CSE1L: variants seen among roughly 807,000 people sequenced by gnomAD.
CSE1L encodes the protein exportin-2.
In CSE1L, 24 loss-of-function variants were observed where a neutral mutation model predicts 120.4. That is an observed-to-expected ratio of 0.20 (90% CI 0.14 to 0.28). CSE1L has a LOEUF of 0.28. Ranked by LOEUF, CSE1L falls within the 10% of genes least tolerant of loss-of-function variation. CSE1L has a pLI of 1.00. For synonymous variants in CSE1L, 402 were observed against 398.3 expected, an observed-to-expected ratio of 1.01 and a Z score of -0.11; for missense variants, 830 against 1,145.2, an observed-to-expected ratio of 0.72 and a Z score of 3.97.
At chr20:49,052,176 G>C (rs1042752861) in intron 1 of CSE1L, among the ~76,000 whole-genome samples, 1 of 152,162 alleles carries the variant, frequency 6.6e-6, no homozygotes, top group Non-Finnish European at 1.5e-5. Context: ...CTCATGTTTT[G>C]CTGGGTGACT....
chr20:49,073,765 C>A (rs911091408), intron 10 of CSE1L, among the ~76,000 whole-genome samples: 9 of 152,132 alleles, frequency 5.9e-5, no homozygotes, highest in African/African-American at 1.9e-4. Flanking sequence ...GGATTACAGG[C>A]ATGAGCCACC....
In CSE1L at chr20:49,094,893, A is replaced by C. The variant is rs377701705; in HGVS notation, c.2756A>C (p.Gln919Pro). ...AGKKEHDPVG[Q>P]MVNNPKIHLA... Reference sequence around the variant, plus strand: ...AAAAAAGAGCATGATCCTGTAGGTCAAATGGTGAATAACCCCAAAATTCAC... The same window carrying C: ...AAAAAAGAGCATGATCCTGTAGGTCCAATGGTGAATAACCCCAAAATTCAC... Residue 919 changes from glutamine to proline, a missense_variant, in exon 24 of 25, where the codon CAA becomes CCA. By Grantham distance (76) the Gln-to-Pro change is moderately conservative. This residue lies in a region of CSE1L where 112 missense variants were observed against 200.0 expected (regional missense o/e 0.56). Transcript: ENST00000262982. 1 of 1,614,168 alleles carries C rather than the reference A, an allele frequency of 6.2e-7. No homozygotes were observed. Among genetic ancestry groups the C allele is most frequent in the Non-Finnish European group, 8.5e-7 (1 of 1,180,024 alleles).
intron 14 of CSE1L, among the ~76,000 whole-genome samples, chr20:49,083,337 G>A (rs2092029049): frequency 6.6e-6 from 1 of 152,130 alleles, no homozygotes; most frequent in South Asian, 2.1e-4. Flanking sequence ...TCATTTTTGA[G>A]TTATTCATTT....
chr20:49,076,924 TGATA>T, intron 12 of CSE1L, 52 bp from the exon 13 acceptor site: 1 of 1,093,052 alleles, frequency 9.1e-7, no homozygotes, highest in Non-Finnish European at 1.3e-6. Context: ...ATTTCTAATG[TGATA>T]GATATATACA....
intron 24 of CSE1L, among the ~76,000 whole-genome samples, chr20:49,095,901 A>G (rs962541785): frequency 1.3e-5 from 2 of 152,018 alleles, no homozygotes; most frequent in Admixed American, 6.6e-5. Flanking sequence ...ATATATATGT[A>G]TATATATTTT....
chr20:49,059,838 C>T lies in CSE1L; in HGVS notation c.85+1290C>T, dbSNP rs375640210. On this transcript the variant is annotated intron_variant, in intron 2 of 24. Transcript: ENST00000262982. ...GAGGTTGCAGTGAGTTGAGATTGCG[C>T]CACTGCACTCCAGCCTGGGTGACAG... is the stretch of plus-strand genomic sequence containing the variant. Among the ~76,000 whole-genome samples the T allele has an allele frequency of 2.6e-4, 39 of 151,916 alleles. No homozygotes were observed. The South Asian group carries it at 8.1e-3, about 32-fold the overall frequency.
At chr20:49,066,593 TGTC>T in intron 5 of CSE1L, 83 bp downstream of exon 5, 1 of 1,249,340 alleles carries the variant, frequency 8.0e-7, no homozygotes, top group East Asian at 2.4e-5. Context: ...TTGTGACTGT[TGTC>T]ATTCCTTTGA....
rs578259588 is a variant in CSE1L, at chr20:49,076,173, TTTG to T, written c.1335+665_1335+667del. ...TATTTTATACATAAGCAGGTTGTGTTTTGTTGTTGTTGTTTTGTTTTGTTTTGT... is the reference window on the plus strand; with the variant it reads ...TATTTTATACATAAGCAGGTTGTGTTTTGTTGTTGTTTTGTTTTGTTTTGT... On this transcript the variant is annotated intron_variant, in intron 12 of 24. Coordinates refer to ENST00000262982, the MANE Select transcript of CSE1L (RefSeq NM_001316.4). 3.1e-3 allele frequency among the ~76,000 whole-genome samples: 454 copies of T among 147,388 alleles called. 2 individuals are homozygous for T. Among genetic ancestry groups the T allele is most frequent in the African/African-American group, 0.011 (433 of 40,064 alleles).
intron 8 of CSE1L, among the ~76,000 whole-genome samples, chr20:49,071,725 G>A (rs2091932957): frequency 6.6e-6 from 1 of 152,098 alleles, no homozygotes. Flanking sequence ...CGTCGCAGTG[G>A]CCCACGCCTA....
intron 1 of CSE1L, among the ~76,000 whole-genome samples, chr20:49,051,270 G>T (rs1341229900): frequency 6.6e-6 from 1 of 152,258 alleles, no homozygotes. Context: ...TCCAGGCCGG[G>T]CACGGTGGCT....
chr20:49,047,557 C>CTTTTTTTTTT (rs1568757216), intron 1 of CSE1L, among the ~76,000 whole-genome samples: 1 of 98,294 alleles, frequency 1.0e-5, no homozygotes, highest in Non-Finnish European at 2.1e-5. Flanking sequence ...TTTTTCTTTT[C>CTTTTTTTTTT]TCTTTTCTTT....
At chr20:49,053,833 G>T (rs1029215425) in intron 1 of CSE1L, among the ~76,000 whole-genome samples, 1 of 152,030 alleles carries the variant, frequency 6.6e-6, no homozygotes, top group African/African-American at 2.4e-5. Context: ...GGACTACAGG[G>T]CCACACCACC....
intron 16 of CSE1L, among the ~76,000 whole-genome samples, chr20:49,086,091 A>AGGCTGGTGTATCCATCCACC (rs1199181174): frequency 2.0e-5 from 3 of 152,120 alleles, no homozygotes; most frequent in Non-Finnish European, 2.9e-5. Flanking sequence ...ATCCATCCAC[A>AGGCTGGTGTATCCATCCACC]GGCTGGTGTA....
intron 8 of CSE1L, 27 bp downstream of exon 8, chr20:49,070,324 G>T: frequency 1.8e-6 from 2 of 1,083,500 alleles, no homozygotes; most frequent in Non-Finnish European, 2.8e-6. Context: ...TTGCCTGAGT[G>T]GTCTTTTTCT....
chr20:49,095,631 C>T (rs117694472), intron 24 of CSE1L, among the ~76,000 whole-genome samples: 18 of 151,906 alleles, frequency 1.2e-4, no homozygotes, highest in Non-Finnish European at 2.2e-4. Flanking sequence ...TTAATTGCAG[C>T]ATACTCAGAA....
rs370821480 is a variant in CSE1L at position 49,068,721 on chromosome 20, A to G, written c.574A>G (p.Ile192Val). The change falls in exon 7 of 25, where the codon ATT (isoleucine) becomes GTT (valine). Residue 192 changes from isoleucine to valine, a missense_variant. Around this residue, in one of 4 missense-constraint regions of CSE1L, gnomAD observed 543 missense variants for 640.2 expected, o/e 0.85. Transcript: ENST00000262982. Reference protein sequence around the residue: ...LPLTNLFKATIELCSTHANDA... With the variant: ...LPLTNLFKATVELCSTHANDA... ...TGCTAAATTCCTTTCCAAGGCCACT[A>G]TTGAACTCTGCAGTACCCATGCAAA... The G allele has an allele frequency of 2.1e-5, 34 of 1,612,176 alleles. No individual in the cohort carries two copies. The African/African-American group carries it at 2.3e-4, about 11-fold the overall frequency.
chr20:49,051,705 A>ATCTTTTTTCTG (rs1270288450), intron 1 of CSE1L, among the ~76,000 whole-genome samples: 1 of 152,220 alleles, frequency 6.6e-6, no homozygotes, highest in African/African-American at 2.4e-5. Context: ...GATAAATTTT[A>ATCTTTTTTCTG]TCTTTTTTCA....
At chr20:49,048,146 CTTTTTTTTTT>C (rs34878925) in intron 1 of CSE1L, among the ~76,000 whole-genome samples, 1 of 128,736 alleles carries the variant, frequency 7.8e-6, no homozygotes, top group Non-Finnish European at 1.6e-5. Flanking sequence ...GTGTCTCTCT[CTTTTTTTTTT>C]TTTTTTTTGA....
chr20:49,065,161 A>G (rs2091881204), intron 3 of CSE1L, among the ~76,000 whole-genome samples: 1 of 151,102 alleles, frequency 6.6e-6, no homozygotes, highest in Non-Finnish European at 1.5e-5. Flanking sequence ...CAGTCTCAAA[A>G]AAAAAAAAAG....
Sources: gnomAD v4.1 joint callset for allele counts (sites outside exome capture counted in the v4.1 genomes callset) on GRCh38, gnomAD v4.1.1 for gene constraint, gnomAD v4.1.1 regional missense constraint, MANE v1.5 for transcripts, NCBI Gene and HGNC (gene_info 2026-07-23, HGNC 2026-07-21) for gene names.